The following ALK variants were observed in gnomAD, a reference collection of about 807,000 sequenced individuals.
The protein encoded by ALK is ALK tyrosine kinase receptor.
Under a neutral mutation model 163.1 loss-of-function variants are expected in ALK, and 74 were observed. The ratio of observed to expected loss-of-function variants is 0.45; its 90% CI spans 0.38 to 0.55. ALK has a LOEUF of 0.55. ALK is among the 20% of genes least tolerant of loss of function. ALK has a pLI of 0.00. For missense variants in ALK, 2,063 were observed against 2,105.3 expected (o/e 0.98, Z 0.39); for synonymous variants, 960 against 843.2 (o/e 1.14, Z -2.40).
At chr2:29,493,417 A>G (rs970812176) in intron 4 of ALK, among the ~76,000 whole-genome samples, 2 of 152,314 alleles carry the variant, frequency 1.3e-5, no homozygotes, top group Non-Finnish European at 2.9e-5. Context: ...TGTTTTCTCC[A>G]GATGTCCCAT....
At chr2:29,329,884 A>C (rs1033209425) in intron 5 of ALK, among the ~76,000 whole-genome samples, 4 of 152,158 alleles carry the variant, frequency 2.6e-5, no homozygotes, top group Non-Finnish European at 5.9e-5. Flanking sequence ...AAGTGGGAAA[A>C]CTGAGGTCAG....
Position 29,754,631 on chromosome 2 carries a change from A to C in ALK, c.668-36934T>G, listed in dbSNP as rs1411248890. ...CTTGAGTTTGGGAGCTTGCAGCTGC[A>C]GTGAGCCATGATCACACCACCACAC... On this transcript the variant is annotated intron_variant, in intron 1 of 28. Coordinates refer to ENST00000389048, the MANE Select transcript of ALK (RefSeq NM_004304.5). Among the ~76,000 whole-genome samples the C allele has an allele frequency of 2.6e-5, 4 of 152,070 alleles. No individual in the cohort carries two copies. The East Asian group carries it at 7.7e-4, about 29-fold the overall frequency.
chr2:29,700,111 C>A (rs1009024), intron 2 of ALK, among the ~76,000 whole-genome samples: 99,418 of 152,064 alleles, frequency 0.65, 35,050 homozygotes, highest in Non-Finnish European at 0.79. Context: ...AACCTACAGA[C>A]CACTCAGCCT....
At chr2:29,612,948 CA>C (rs750418441) in intron 3 of ALK, among the ~76,000 whole-genome samples, 1 of 152,086 alleles carries the variant, frequency 6.6e-6, no homozygotes, top group Non-Finnish European at 1.5e-5. Context: ...GGAATCAAAA[CA>C]AAAAATAAAG....
chr2:29,663,852 T>C (rs1032684864), intron 3 of ALK, among the ~76,000 whole-genome samples: 16 of 152,166 alleles, frequency 1.1e-4, no homozygotes, highest in Non-Finnish European at 1.9e-4. Context: ...ATAATGCTTC[T>C]CTCTAGTGTT....
intron 23 of ALK, among the ~76,000 whole-genome samples, chr2:29,217,142 GT>G (rs753944252): frequency 0.1 from 15,337 of 149,204 alleles, 1,100 homozygotes; most frequent in Admixed American, 0.17. Flanking sequence ...GTGTGTGTGT[GT>G]GTGTGTAGTG....
intron 5 of ALK, among the ~76,000 whole-genome samples, chr2:29,333,674 G>A (rs1667521877): frequency 6.6e-6 from 1 of 152,144 alleles, no homozygotes. Context: ...GGAGCGTCAT[G>A]GCGCAACCTT....
In ALK at chr2:29,288,962, ATAAATAAATAAATAAAT is replaced by A. The variant is rs1665940491; in HGVS notation, c.1817+7909_1817+7925del. ...GGGAGACTCCTTCTCAAAAAAATAA[ATAAATAAATAAATAAAT>A]AAATAAATAAATAAATAAATAAAAG... is the stretch of plus-strand genomic sequence containing the variant. On this transcript the variant is annotated intron_variant, in intron 9 of 28. Coordinates refer to ENST00000389048, the MANE Select transcript of ALK (RefSeq NM_004304.5). Among the ~76,000 whole-genome samples, 5 of 119,942 alleles carry A rather than the reference ATAAATAAATAAATAAAT, an allele frequency of 4.2e-5. 1 individual carries two copies. The South Asian group carries it at 1.3e-3, about 31-fold the overall frequency. 78.7% of individuals were successfully genotyped at this position (119,942 alleles called of 152,430 possible).
intron 4 of ALK, among the ~76,000 whole-genome samples, chr2:29,439,202 T>C (rs182344477): frequency 6.6e-6 from 1 of 152,298 alleles, no homozygotes; most frequent in Non-Finnish European, 1.5e-5. Context: ...CCAGGGTTTC[T>C]AGTACTGAAA....
chr2:29,919,461 G>T (rs566961038), intron 1 of ALK, among the ~76,000 whole-genome samples: 1 of 152,080 alleles, frequency 6.6e-6, no homozygotes, highest in Non-Finnish European at 1.5e-5. Flanking sequence ...AATAAATAAA[G>T]AAGAGACAAT....
intron 11 of ALK, among the ~76,000 whole-genome samples, chr2:29,260,064 A>T (rs530103548): frequency 1.3e-5 from 2 of 152,184 alleles, no homozygotes; most frequent in Admixed American, 6.5e-5. Flanking sequence ...TTTTCATTTT[A>T]AAAAATTTCC....
intron 22 of ALK, among the ~76,000 whole-genome samples, chr2:29,221,976 A>G (rs1669816961): frequency 1.3e-5 from 2 of 152,180 alleles, no homozygotes; most frequent in South Asian, 4.1e-4. Context: ...TATTAGAAGC[A>G]CAATTACTGG....
At chr2:29,531,196 A>C (rs1026473046) in intron 4 of ALK, among the ~76,000 whole-genome samples, 3 of 152,226 alleles carry the variant, frequency 2.0e-5, no homozygotes, top group Non-Finnish European at 4.4e-5. Context: ...CTTGTTGCTA[A>C]AGTAATCAGA....
chr2:29,826,856 A>G (rs1665217122), intron 1 of ALK, among the ~76,000 whole-genome samples: 1 of 152,248 alleles, frequency 6.6e-6, no homozygotes. Flanking sequence ...AAATGTTTTT[A>G]CCCAAGCTCA....
intron 3 of ALK, among the ~76,000 whole-genome samples, chr2:29,624,580 G>A (rs1183487410): frequency 1.3e-5 from 2 of 152,122 alleles, no homozygotes; most frequent in East Asian, 3.9e-4. Context: ...AAGACTCACC[G>A]AGGCCTGCTG....
At chr2:29,668,704 T>A (rs950452021) in intron 3 of ALK, among the ~76,000 whole-genome samples, 2 of 152,130 alleles carry the variant, frequency 1.3e-5, no homozygotes, top group African/African-American at 2.4e-5. Flanking sequence ...TGTTGATTAG[T>A]TTATTCTGCA....
At chr2:29,471,434 A>G (rs904628080) in intron 4 of ALK, among the ~76,000 whole-genome samples, 1 of 152,244 alleles carries the variant, frequency 6.6e-6, no homozygotes, top group Non-Finnish European at 1.5e-5. Flanking sequence ...AATAGGTAAT[A>G]CATCACAAAA....
At chr2:29,296,716 C>A (rs1376065641) in intron 9 of ALK, among the ~76,000 whole-genome samples, 172 bp downstream of exon 9, 2 of 149,034 alleles carry the variant, frequency 1.3e-5, no homozygotes, top group Non-Finnish European at 3.0e-5. Context: ...AGTGTGTAAC[C>A]TGCAGAGTGT....
At chr2:29,813,085 G>A (rs1287763950) in intron 1 of ALK, among the ~76,000 whole-genome samples, 1 of 152,146 alleles carries the variant, frequency 6.6e-6, no homozygotes, top group Non-Finnish European at 1.5e-5. Flanking sequence ...ATTTCAGACT[G>A]GAAGACATTA....
Sources: allele counts gnomAD v4.1 joint callset (sites outside exome capture counted in the v4.1 genomes callset), GRCh38; gene constraint gnomAD v4.1.1; transcripts MANE v1.5; gene names NCBI Gene and HGNC (gene_info 2026-07-23, HGNC 2026-07-21).